ZNF254: variants seen among roughly 807,000 people sequenced by gnomAD.
The protein encoded by ZNF254 is zinc finger protein 254.
In ZNF254, 10 loss-of-function variants were observed where a neutral mutation model predicts 12.4. That is an observed-to-expected ratio of 0.80 (90% CI 0.50 to 1.36). ZNF254 has a LOEUF of 1.36. Among genes scored for constraint, ZNF254 ranks in the 40% most tolerant of loss-of-function variants. ZNF254 has a pLI of 0.00. For synonymous variants in ZNF254, 305 were observed against 253.4 expected (o/e 1.20, Z -1.93); for missense variants, 996 against 763.9 (o/e 1.30, Z -3.58).
At chr19:24,121,432 T>C (rs538294671) in intron 3 of ZNF254, among the ~76,000 whole-genome samples, 14 of 152,354 alleles carry the variant, frequency 9.2e-5, no homozygotes, top group African/African-American at 3.4e-4. Context: ...TATATCATAA[T>C]TGTGCATGAC....
At chr19:24,036,009 G>C (rs1285511018) in intron 1 of ZNF254, among the ~76,000 whole-genome samples, 3 of 152,062 alleles carry the variant, frequency 2.0e-5, no homozygotes, top group Non-Finnish European at 2.9e-5. Flanking sequence ...TTCCTGACTT[G>C]TGTGTTTTAT....
chr19:24,048,512 A>G (rs1481358130), intron 2 of ZNF254, among the ~76,000 whole-genome samples: 4 of 152,196 alleles, frequency 2.6e-5, no homozygotes, highest in African/African-American at 9.6e-5. Context: ...GGTCCACCAG[A>G]AAAGCTCAAT....
rs917272101 is a variant in ZNF254 at position 24,129,478 on chromosome 19, C to T, written c.*1498C>T. 6.6e-6 allele frequency: 1 copy of T among 151,858 alleles called. No individual in the cohort carries two copies. The highest frequency in any genetic ancestry group is 1.5e-5 in the Non-Finnish European group (1 of 67,900). The allele number at this position is 151,858 out of a possible 1,614,324, so 9.4% of individuals were successfully genotyped here. ...TGACATCTCTAGCAATCTTTTTTGC[C>T]AGTGGCTTTAAATTGCCAATAAGTT... On this transcript the variant is annotated 3_prime_UTR_variant, in exon 4 of 4. Transcript: ENST00000357002.
At chr19:24,076,885 A>G (rs578175979) in intron 2 of ZNF254, among the ~76,000 whole-genome samples, 1 of 152,306 alleles carries the variant, frequency 6.6e-6, no homozygotes, top group South Asian at 2.1e-4. Flanking sequence ...GCTGGAGACT[A>G]CATCAGGCAA....
intron 2 of ZNF254, among the ~76,000 whole-genome samples, chr19:24,058,928 G>A (rs1046555401): frequency 2.6e-5 from 4 of 152,248 alleles, no homozygotes; most frequent in Non-Finnish European, 5.9e-5. Flanking sequence ...CCCAGGTGAT[G>A]TGACTGCCTT....
rs374891411 is a variant in ZNF254, at chr19:24,116,693, A to C, written c.254-9561A>C. Among the ~76,000 whole-genome samples the C allele has an allele frequency of 2.4e-4, 36 of 152,038 alleles. 1 individual carries two copies. In the South Asian group the frequency reaches 5.2e-3, roughly 22 times the overall value. ...GATCATCTGAAGGCTTCTTCTCTCA[A>C]CTCGTCAAAGTCATTCTCCACCCAG... On this transcript the variant is annotated intron_variant, in intron 3 of 3. Transcript: ENST00000357002.
intron 2 of ZNF254, chr19:24,078,872 C>G (rs778347835): frequency 2.6e-5 from 4 of 152,174 alleles, no homozygotes; most frequent in Non-Finnish European, 5.9e-5. Context: ...TTTTGTCATT[C>G]TGTTCTCTGG....
chr19:24,073,594 G>GT (rs1971556297), intron 2 of ZNF254, among the ~76,000 whole-genome samples: 1 of 152,144 alleles, frequency 6.6e-6, no homozygotes, highest in Admixed American at 6.6e-5. Context: ...GCTCACTGTT[G>GT]AAGTTCTGAT....
intron 2 of ZNF254, among the ~76,000 whole-genome samples, chr19:24,073,013 C>A (rs144156761): frequency 1.4e-3 from 213 of 152,322 alleles, no homozygotes; most frequent in African/African-American, 4.9e-3. Context: ...GCACTTGTAA[C>A]TATACTTGGA....
chr19:24,048,107 C>G lies in ZNF254; in HGVS notation c.-94+1828C>G, dbSNP rs533924613. ...CCAGAGGGACAGCTTTGGGCGCGAG[C>G]TCCACACGTGGCCTGCAGGGTGGAC... is the stretch of plus-strand genomic sequence containing the variant. On this transcript the variant is annotated intron_variant, in intron 2 of 4. Transcript: ENST00000613065. Among the ~76,000 whole-genome samples, 9 of 141,018 alleles carry G rather than the reference C, an allele frequency of 6.4e-5. No individual in the cohort carries two copies. The East Asian group carries it at 1.9e-3, about 30-fold the overall frequency. The allele number at this position is 141,018 out of a possible 152,430, so 92.5% of individuals were successfully genotyped here. A position where few individuals can be genotyped will look rare whatever the true frequency, so the allele number is the denominator to read the frequency against.
chr19:24,121,282 G>T (rs1974463740), intron 3 of ZNF254, among the ~76,000 whole-genome samples: 1 of 151,508 alleles, frequency 6.6e-6, no homozygotes, highest in Non-Finnish European at 1.5e-5. Flanking sequence ...TTACCTTAAT[G>T]AATATATTGA....
Position 24,096,035 on chromosome 19 carries a change from A to T in ZNF254, c.30+8698A>T, listed in dbSNP as rs979132029. ...ACATTATCTTAGCTATATTGCAGAG[A>T]TTCTGATGTGTTGTTTTTTAGTTCT... On this transcript the variant is annotated intron_variant, in intron 1 of 3. Coordinates refer to ENST00000357002, the MANE Select transcript of ZNF254 (RefSeq NM_203282.4). Among the ~76,000 whole-genome samples, 4 of 147,726 alleles carry T rather than the reference A, an allele frequency of 2.7e-5. No homozygotes were observed. In the South Asian group the frequency reaches 8.6e-4, roughly 32 times the overall value.
At chr19:24,072,994 G>A (rs1412009318) in intron 2 of ZNF254, among the ~76,000 whole-genome samples, 2 of 152,204 alleles carry the variant, frequency 1.3e-5, no homozygotes, top group East Asian at 3.9e-4. Flanking sequence ...GCCAAAAGGA[G>A]AGTTACTGGC....
rs1466251691 is a variant in ZNF254 at position 24,122,834 on chromosome 19, C to T, written c.254-3420C>T. ...ATAATTATCACTATGTAAATGACTC[C>T]TTATATGACCATGTATGTGAAAGTT... On this transcript the variant is annotated intron_variant, in intron 3 of 3. Transcript: ENST00000357002. Among the ~76,000 whole-genome samples the T allele has an allele frequency of 2.0e-5, 3 of 150,888 alleles. No homozygotes were observed. The East Asian group carries it at 5.8e-4, about 29-fold the overall frequency.
chr19:24,046,373 T>TATATTTATATATATATATATA (rs1555750839), intron 2 of ZNF254: 3 of 95,508 alleles, frequency 3.1e-5, no homozygotes. Flanking sequence ...TTATTATTTT[T>TATATTTATATATATATATATA]TATATATATA....
intron 3 of ZNF254, among the ~76,000 whole-genome samples, chr19:24,113,200 T>A (rs866613785): frequency 6.6e-6 from 1 of 152,120 alleles, no homozygotes; most frequent in Non-Finnish European, 1.5e-5. Context: ...CATCATCCTG[T>A]TACCAAAGCC....
At chr19:24,056,462 A>T (rs1375856755) in intron 2 of ZNF254, among the ~76,000 whole-genome samples, 2 of 152,028 alleles carry the variant, frequency 1.3e-5, no homozygotes, top group Non-Finnish European at 2.9e-5. Context: ...GGCAAGGGAG[A>T]TGGAGACATA....
chr19:24,123,303 G>A (rs943763912), intron 3 of ZNF254, among the ~76,000 whole-genome samples: 13 of 152,040 alleles, frequency 8.6e-5, no homozygotes, highest in African/African-American at 2.9e-4. Context: ...AAAAAGTTTG[G>A]TAAGACTTCC....
At chr19:24,102,766 ATAG>A in intron 1 of ZNF254, among the ~76,000 whole-genome samples, 1 of 152,358 alleles carries the variant, frequency 6.6e-6, no homozygotes, top group South Asian at 2.1e-4. Context: ...TCCTGCAGAT[ATAG>A]TAGTTGATTC....
Sources: allele counts gnomAD v4.1 joint callset (sites outside exome capture counted in the v4.1 genomes callset), GRCh38; gene constraint gnomAD v4.1.1; transcripts MANE v1.5; gene names NCBI Gene and HGNC (gene_info 2026-07-23, HGNC 2026-07-21).